The following ARHGAP42 variants were observed in gnomAD, a reference collection of about 807,000 sequenced individuals.
ARHGAP42 encodes rho GTPase-activating protein 42.
ARHGAP42 carries 63 observed loss-of-function variants against 125.0 expected under a neutral mutation model. That is an observed-to-expected ratio of 0.50 (90% CI 0.41 to 0.62). The LOEUF (loss-of-function observed/expected upper bound fraction) is 0.62. Ranked by LOEUF, ARHGAP42 falls within the 20% of genes least tolerant of loss-of-function variation. The pLI is 0.00. For synonymous variants in ARHGAP42, 339 were observed against 351.0 expected, an observed-to-expected ratio of 0.97 and a Z score of 0.38; for missense variants, 766 against 1,024.2, an observed-to-expected ratio of 0.75 and a Z score of 3.44.
chr11:100,885,678 T>C (rs977801310), intron 4 of ARHGAP42, among the ~76,000 whole-genome samples: 1 of 152,214 alleles, frequency 6.6e-6, no homozygotes, highest in African/African-American at 2.4e-5. Context: ...ATATGTTGGC[T>C]AATTGTAAGA....
intron 8 of ARHGAP42, among the ~76,000 whole-genome samples, chr11:100,938,641 T>C (rs1867798582): frequency 6.6e-6 from 1 of 152,192 alleles, no homozygotes; most frequent in Non-Finnish European, 1.5e-5. Flanking sequence ...AAGTTCTTTC[T>C]TGCCTCATTA....
chr11:100,917,260 T>C (rs1338188338), intron 5 of ARHGAP42, among the ~76,000 whole-genome samples: 1 of 152,194 alleles, frequency 6.6e-6, no homozygotes, highest in Non-Finnish European at 1.5e-5. Context: ...AGGTTCCTCT[T>C]GAGGCACTTC....
intron 3 of ARHGAP42, among the ~76,000 whole-genome samples, chr11:100,849,902 A>G (rs902059228): frequency 2.6e-5 from 4 of 152,206 alleles, no homozygotes; most frequent in African/African-American, 7.2e-5. Context: ...GGAAAAGGTA[A>G]TATTATGATG....
At chr11:100,953,170 G>A (rs61567166) in intron 12 of ARHGAP42, among the ~76,000 whole-genome samples, 1 of 151,930 alleles carries the variant, frequency 6.6e-6, no homozygotes, top group Non-Finnish European at 1.5e-5. Context: ...CTCCCCTAAA[G>A]GTAGCATTGC....
chr11:100,968,974 T>G (rs867022275), intron 17 of ARHGAP42, among the ~76,000 whole-genome samples: 4 of 152,264 alleles, frequency 2.6e-5, no homozygotes, highest in South Asian at 4.1e-4. Context: ...ACATGTGCAT[T>G]TGAATTACAG....
At chr11:100,698,872 G>A (rs1861340044) in intron 1 of ARHGAP42, among the ~76,000 whole-genome samples, 3 of 152,136 alleles carry the variant, frequency 2.0e-5, no homozygotes, top group African/African-American at 7.2e-5. Flanking sequence ...TGACATATGA[G>A]CTAAGAGGGA....
intron 1 of ARHGAP42, among the ~76,000 whole-genome samples, chr11:100,690,388 A>C (rs1316686326): frequency 6.6e-6 from 1 of 151,836 alleles, no homozygotes. Flanking sequence ...TTTGACTTGC[A>C]CTCTCTTAGG....
At chr11:100,910,045 C>T (rs1332047854) in intron 4 of ARHGAP42, among the ~76,000 whole-genome samples, 2 of 152,086 alleles carry the variant, frequency 1.3e-5, no homozygotes, top group East Asian at 1.9e-4. Context: ...TAAGTAATAA[C>T]GTGAGCACTA....
At chr11:100,807,034 G>C (rs1357102056) in intron 3 of ARHGAP42, among the ~76,000 whole-genome samples, 1 of 152,038 alleles carries the variant, frequency 6.6e-6, no homozygotes, top group Admixed American at 6.6e-5. Flanking sequence ...TTTTAATAGA[G>C]ACGGGGTTTC....
chr11:100,961,552 T>C lies in ARHGAP42; in HGVS notation c.1301-132T>C, dbSNP rs1013347359. On this transcript the variant is annotated intron_variant, in intron 14 of 23. Transcript: ENST00000298815. ...CAATTCACGCAAACAACAGTACTAA[T>C]GTTAACTCTTGGCATTCTAAGAAAT... 7.1e-6 allele frequency: 5 copies of C among 701,658 alleles called. No homozygotes were observed. In the African/African-American group the frequency reaches 7.2e-5, roughly 10 times the overall value. The allele number at this position is 701,658 out of a possible 1,614,324, so 43.5% of individuals were successfully genotyped here.
rs115277071 is a variant in ARHGAP42 at position 100,873,832 on chromosome 11, C to T, written c.384+14207C>T. Among the ~76,000 whole-genome samples, 947 of 152,218 alleles carry T rather than the reference C, an allele frequency of 6.2e-3. 11 individuals are homozygous for T. Among genetic ancestry groups the T allele is most frequent in the African/African-American group, 0.022 (897 of 41,524 alleles). The stretch of plus-strand genomic sequence containing the variant: ...AGTAACTACCAGAGCAGGGATTGAA[C>T]GCAGGCAGTTTAACTCTAAGGCACA... On this transcript the variant is annotated intron_variant, in intron 4 of 23. Transcript: ENST00000298815.
rs1858767060 is a variant in ARHGAP42, at chr11:100,989,217, T to C, written c.*416T>C. Reference sequence around the variant, plus strand: ...GATCTCTGAAATTGTTACTTAAAAATGTAATTTAAATTGTTCATTTATTGT... The same window carrying C: ...GATCTCTGAAATTGTTACTTAAAAACGTAATTTAAATTGTTCATTTATTGT... On this transcript the variant is annotated 3_prime_UTR_variant, in exon 24 of 24. Transcript: ENST00000298815. 1 of 398,024 alleles carries C rather than the reference T, an allele frequency of 2.5e-6. No homozygotes were observed. The highest frequency in any genetic ancestry group is 2.1e-5 in the African/African-American group (1 of 48,560). The allele number at this position is 398,024 out of a possible 1,614,324, so 24.7% of individuals were successfully genotyped here. A position where few individuals can be genotyped will look rare whatever the true frequency, so the allele number is the denominator to read the frequency against.
At chr11:100,784,507 G>T (rs1224151381) in intron 2 of ARHGAP42, among the ~76,000 whole-genome samples, 3 of 152,156 alleles carry the variant, frequency 2.0e-5, no homozygotes, top group Non-Finnish European at 4.4e-5. Flanking sequence ...GCAGCATTTG[G>T]TGATTGGATA....
At chr11:100,782,043 T>G (rs1481497462) in intron 2 of ARHGAP42, among the ~76,000 whole-genome samples, 2 of 152,158 alleles carry the variant, frequency 1.3e-5, no homozygotes, top group Admixed American at 6.5e-5. Context: ...ATACTTAGTC[T>G]GATTGTACAC....
At chr11:100,925,123 C>T (rs776046624) in intron 6 of ARHGAP42, among the ~76,000 whole-genome samples, 116 of 152,118 alleles carry the variant, frequency 7.6e-4, no homozygotes, top group Non-Finnish European at 1.1e-3. Flanking sequence ...TGAGCCACCA[C>T]ACCTGGCCTG....
chr11:100,885,525 T>C (rs1048611285), intron 4 of ARHGAP42, among the ~76,000 whole-genome samples: 1 of 152,224 alleles, frequency 6.6e-6, no homozygotes, highest in Admixed American at 6.5e-5. Flanking sequence ...TCTTTCACTT[T>C]AAAAACCAAT....
At chr11:100,750,280 G>A (rs1862414213) in intron 1 of ARHGAP42, among the ~76,000 whole-genome samples, 1 of 152,262 alleles carries the variant, frequency 6.6e-6, no homozygotes, top group Non-Finnish European at 1.5e-5. Context: ...CAAGGGAGGG[G>A]AAGGGGTTCT....
Position 100,766,219 on chromosome 11 carries a change from T to TGG in ARHGAP42, c.155-4121_155-4120dup, listed in dbSNP as rs761433473. On this transcript the variant is annotated intron_variant, in intron 1 of 23. Coordinates refer to ENST00000298815, the MANE Select transcript of ARHGAP42 (RefSeq NM_152432.4). ...TCAAGTTAGGCAAATGGGAAGGATGTGGGGTGTGTGTGTGTGTGTGTGTGG... is the reference window on the plus strand; with the variant it reads ...TCAAGTTAGGCAAATGGGAAGGATGTGGGGGGTGTGTGTGTGTGTGTGTGTGG... 5.7e-3 allele frequency among the ~76,000 whole-genome samples: 664 copies of TGG among 116,578 alleles called. 3 individuals are homozygous for TGG. The highest frequency in any genetic ancestry group is 0.025 in the Middle Eastern group (5 of 198). The allele number at this position is 116,578 out of a possible 152,430, so 76.5% of individuals were successfully genotyped here.
At chr11:100,981,256 TATC>T (rs1414410157) in intron 22 of ARHGAP42, among the ~76,000 whole-genome samples, 2 of 152,204 alleles carry the variant, frequency 1.3e-5, no homozygotes, top group East Asian at 1.9e-4. Flanking sequence ...TAATAACTAT[TATC>T]ATAATTATTG....
Sources: allele counts gnomAD v4.1 joint callset (sites outside exome capture counted in the v4.1 genomes callset), GRCh38; gene constraint gnomAD v4.1.1; transcripts MANE v1.5; gene names NCBI Gene and HGNC (gene_info 2026-07-23, HGNC 2026-07-21).